The following ESRRB variants were observed in gnomAD, a reference collection of about 807,000 sequenced individuals.
ESRRB encodes the protein steroid hormone receptor ERR2.
In ESRRB, 16 loss-of-function variants were observed where a neutral mutation model predicts 46.0. That is an observed-to-expected ratio of 0.35 (90% CI 0.24 to 0.53). The LOEUF is 0.53. ESRRB is among the 20% of genes least tolerant of loss of function. The pLI is 0.93. For synonymous variants in ESRRB, 246 were observed against 259.6 expected, an observed-to-expected ratio of 0.95 and a Z score of 0.50; for missense variants, 488 against 607.4, an observed-to-expected ratio of 0.80 and a Z score of 2.07.
chr14:76,358,331 GAAAGA>G (rs1884415191), intron 1 of ESRRB, among the ~76,000 whole-genome samples: 1 of 12,426 alleles, frequency 8.0e-5, no homozygotes, highest in Non-Finnish European at 1.3e-4. Context: ...AAAAAAGAAA[GAAAGA>G]AAGAAAGAAA....
chr14:76,383,262 TA>T (rs1365860299), intron 1 of ESRRB, among the ~76,000 whole-genome samples: 1 of 152,244 alleles, frequency 6.6e-6, no homozygotes, highest in Non-Finnish European at 1.5e-5. Context: ...CTTTTATTTT[TA>T]ATGGCTTGAA....
In ESRRB at chr14:76,428,041, C is replaced by T. The variant is rs1350778655; in HGVS notation, c.51-11300C>T. Among the ~76,000 whole-genome samples, 2 of 152,220 alleles carry T rather than the reference C, an allele frequency of 1.3e-5. 1 individual carries two copies. The highest frequency in any genetic ancestry group is 2.9e-5 in the Non-Finnish European group (2 of 68,042). ...GAGATGGAGTTTTGATCCTGTTGCC[C>T]AGGCTGGAGTGCAATGGCGCAATCT... On this transcript the variant is annotated intron_variant, in intron 1 of 6. Coordinates refer to ENST00000644823, the MANE Select transcript of ESRRB (RefSeq NM_001379180.1).
chr14:76,323,317 T>C (rs1883890360), intron 1 of ESRRB, among the ~76,000 whole-genome samples: 1 of 151,348 alleles, frequency 6.6e-6, no homozygotes, highest in South Asian at 2.1e-4. Flanking sequence ...TTTTTTTTTT[T>C]TTTTTCTTTT....
chr14:76,314,627 G>C (rs1309419509), intron 1 of ESRRB, among the ~76,000 whole-genome samples: 1 of 152,124 alleles, frequency 6.6e-6, no homozygotes, highest in Non-Finnish European at 1.5e-5. Context: ...TGGTTCTCCT[G>C]CTGGCTTTCT....
intron 3 of ESRRB, among the ~76,000 whole-genome samples, chr14:76,466,458 C>A (rs1889114255): frequency 6.6e-6 from 1 of 152,110 alleles, no homozygotes; most frequent in Non-Finnish European, 1.5e-5. Context: ...GGGATCTAAG[C>A]TTTTCAGATT....
At chr14:76,451,829 C>T (rs533799207) in intron 2 of ESRRB, among the ~76,000 whole-genome samples, 1 of 136,236 alleles carries the variant, frequency 7.3e-6, no homozygotes, top group East Asian at 2.2e-4. Flanking sequence ...GACAGGGTTT[C>T]ACTGTGTTGG....
intron 1 of ESRRB, among the ~76,000 whole-genome samples, chr14:76,383,511 C>T (rs958507527): frequency 2.0e-5 from 3 of 152,098 alleles, no homozygotes; most frequent in Non-Finnish European, 2.9e-5. Context: ...GGTGAAGAAG[C>T]GTGATCTTTT....
At chr14:76,394,972 G>C (rs540777929) in intron 1 of ESRRB, among the ~76,000 whole-genome samples, 1 of 152,200 alleles carries the variant, frequency 6.6e-6, no homozygotes, top group Non-Finnish European at 1.5e-5. Context: ...TGAGCTGGCC[G>C]TCTGGGCGAG....
Position 76,498,528 on chromosome 14 carries a change from A to G in ESRRB, c.*70A>G. 6.3e-7 allele frequency: 1 copy of G among 1,597,116 alleles called. No homozygotes were observed. The highest frequency in any genetic ancestry group is 1.1e-5 in the South Asian group (1 of 90,176). On this transcript the variant is annotated 3_prime_UTR_variant, in exon 7 of 7. Transcript: ENST00000644823. ...GACAGACCGAGGTGGAGACCTCCAC[A>G]GCCACCAGCCTCCACCTTCAACCCC...
intron 1 of ESRRB, among the ~76,000 whole-genome samples, chr14:76,351,204 G>C (rs369204154): frequency 6.6e-6 from 1 of 152,202 alleles, no homozygotes; most frequent in South Asian, 2.1e-4. Context: ...AATATCATTA[G>C]AGTGGTTTCC....
intron 1 of ESRRB, among the ~76,000 whole-genome samples, chr14:76,329,911 G>C (rs754773787): frequency 6.6e-6 from 1 of 151,694 alleles, no homozygotes; most frequent in African/African-American, 2.4e-5. Flanking sequence ...GGCAGTAAGC[G>C]GGCTGGCTAA....
chr14:76,497,472 G>A (rs570459726), intron 6 of ESRRB, among the ~76,000 whole-genome samples: 6 of 152,278 alleles, frequency 3.9e-5, no homozygotes, highest in African/African-American at 4.8e-5. Flanking sequence ...CCTCCCTGCC[G>A]TGCTGGGATG....
chr14:76,370,054 C>A (rs1466464187), upstream of ESRRB, among the ~76,000 whole-genome samples: 2 of 152,126 alleles, frequency 1.3e-5, no homozygotes, highest in African/African-American at 4.8e-5. Context: ...ACCCTAGAAA[C>A]AAATTGCTTG....
chr14:76,422,517 T>C (rs1355616345), intron 1 of ESRRB, among the ~76,000 whole-genome samples: 1 of 152,150 alleles, frequency 6.6e-6, no homozygotes, highest in Non-Finnish European at 1.5e-5. Context: ...GGCCGACATT[T>C]CCTTCTTATA....
intron 1 of ESRRB, among the ~76,000 whole-genome samples, chr14:76,326,534 C>G (rs74067803): frequency 0.022 from 3,336 of 152,324 alleles, 135 homozygotes; most frequent in African/African-American, 0.076. Context: ...ACGGAAGCAC[C>G]AGCTCCTCTG....
At chr14:76,489,575 C>T (rs969725148) in intron 5 of ESRRB, among the ~76,000 whole-genome samples, 3 of 152,100 alleles carry the variant, frequency 2.0e-5, no homozygotes, top group Non-Finnish European at 4.4e-5. Flanking sequence ...TTTTGTTGAT[C>T]ACCCATGGAT....
intron 1 of ESRRB, among the ~76,000 whole-genome samples, chr14:76,316,297 T>A (rs1279697176): frequency 1.3e-5 from 2 of 152,192 alleles, no homozygotes; most frequent in Middle Eastern, 3.2e-3. Flanking sequence ...CTCTTCCTTT[T>A]CTTTGCTCAC....
chr14:76,500,256 T>C lies in ESRRB; in HGVS notation c.*1798T>C, dbSNP rs1890613403. ...TCCCACACAGAAAATGTTAAGGATT[T>C]CAAGAGCCCTCCCAGACCAGTGATG... On this transcript the variant is annotated 3_prime_UTR_variant, in exon 7 of 7. Coordinates refer to ENST00000644823, the MANE Select transcript of ESRRB (RefSeq NM_001379180.1). 6 of 609,158 alleles carry C rather than the reference T, an allele frequency of 9.8e-6. No homozygotes were observed. Among genetic ancestry groups the C allele is most frequent in the Admixed American group, 5.9e-5 (2 of 33,976 alleles). The allele number at this position is 609,158 out of a possible 1,614,324, so 37.7% of individuals were successfully genotyped here.
intron 1 of ESRRB, among the ~76,000 whole-genome samples, chr14:76,434,300 G>A (rs931123257): frequency 1.3e-5 from 2 of 152,184 alleles, no homozygotes; most frequent in Admixed American, 1.3e-4. Flanking sequence ...AGAGAGCACT[G>A]TGCCTCTCTC....
Sources: gnomAD v4.1 joint callset for allele counts (sites outside exome capture counted in the v4.1 genomes callset) on GRCh38, gnomAD v4.1.1 for gene constraint, MANE v1.5 for transcripts, NCBI Gene and HGNC (gene_info 2026-07-23, HGNC 2026-07-21) for gene names.